The following RPS6KC1 variants were observed in gnomAD, a reference collection of about 807,000 sequenced individuals.
RPS6KC1 encodes ribosomal protein S6 kinase C1, also known as inactive ribosomal protein S6 kinase delta-1.
In RPS6KC1, 54 loss-of-function variants were observed where a neutral mutation model predicts 103.8. The ratio of observed to expected loss-of-function variants is 0.52; its 90% CI spans 0.42 to 0.65. The LOEUF is 0.65. RPS6KC1 is among the 30% of genes least tolerant of loss of function. The probability of loss-of-function intolerance (pLI) is 0.00; values close to 1 mark genes in which losing one functional copy is unlikely to be tolerated. For synonymous variants in RPS6KC1, 439 were observed against 438.7 expected (o/e 1.00, Z -0.01); for missense variants, 1,151 against 1,253.8 (o/e 0.92, Z 1.24).
the RPS6KC1 span, among the ~76,000 whole-genome samples, chr1:213,785,399 T>A: frequency 4.0e-5 from 6 of 151,862 alleles, no homozygotes; most frequent in Non-Finnish European, 8.8e-5. Flanking sequence ...ACACTGGGAC[T>A]GTGACAGCTG....
the RPS6KC1 span, among the ~76,000 whole-genome samples, chr1:213,300,056 C>T: frequency 2.6e-5 from 4 of 152,142 alleles, no homozygotes; most frequent in South Asian, 2.1e-4. Flanking sequence ...CTGCCTGCCT[C>T]GGCCTCCCAA....
At chr1:213,512,417 A>G in the RPS6KC1 span, among the ~76,000 whole-genome samples, 1 of 152,160 alleles carries the variant, frequency 6.6e-6, no homozygotes. Flanking sequence ...TCTTTTATAA[A>G]CTGAGAAGAC....
At chr1:213,478,317 A>G in the RPS6KC1 span, among the ~76,000 whole-genome samples, 1 of 152,178 alleles carries the variant, frequency 6.6e-6, no homozygotes, top group African/African-American at 2.4e-5. Context: ...GCTGTTATAA[A>G]TAACCTTCTG....
the RPS6KC1 span, among the ~76,000 whole-genome samples, chr1:213,735,040 C>T: frequency 6.6e-6 from 1 of 152,228 alleles, no homozygotes; most frequent in African/African-American, 2.4e-5. Context: ...TCTTCTGCCT[C>T]AGCCTCCCCA....
At chr1:213,158,809 GA>G (rs1258788590) in intron 6 of RPS6KC1, among the ~76,000 whole-genome samples, 1 of 152,036 alleles carries the variant, frequency 6.6e-6, no homozygotes, top group Non-Finnish European at 1.5e-5. Context: ...GGAAGAGAAG[GA>G]ACCCTAGAAA....
the RPS6KC1 span, among the ~76,000 whole-genome samples, chr1:213,432,015 C>G: frequency 6.6e-6 from 1 of 152,142 alleles, no homozygotes; most frequent in African/African-American, 2.4e-5. Flanking sequence ...TATCTCATTG[C>G]AGTTTCAATT....
intron 2 of RPS6KC1, among the ~76,000 whole-genome samples, chr1:213,076,367 T>A (rs2079335475): frequency 6.6e-6 from 1 of 152,236 alleles, no homozygotes; most frequent in Admixed American, 6.5e-5. Context: ...GTAGGTTTTT[T>A]GGCAGGAATC....
At chr1:213,503,855 A>G in the RPS6KC1 span, among the ~76,000 whole-genome samples, 2 of 152,244 alleles carry the variant, frequency 1.3e-5, no homozygotes, top group Non-Finnish European at 2.9e-5. Context: ...AGTATCTGTT[A>G]AAATTACAAA....
At chr1:213,326,243 GCAAT>G in the RPS6KC1 span, among the ~76,000 whole-genome samples, 1 of 151,900 alleles carries the variant, frequency 6.6e-6, no homozygotes, top group Non-Finnish European at 1.5e-5. Context: ...GCAGTCAAAG[GCAAT>G]CAAATATGTA....
At chr1:213,738,461 A>G in the RPS6KC1 span, among the ~76,000 whole-genome samples, 1 of 152,190 alleles carries the variant, frequency 6.6e-6, no homozygotes, top group South Asian at 2.1e-4. Context: ...GCCGCTGACT[A>G]GAGGATGTCC....
chr1:213,513,290 T>C, the RPS6KC1 span, among the ~76,000 whole-genome samples: 2 of 152,184 alleles, frequency 1.3e-5, no homozygotes, highest in Non-Finnish European at 2.9e-5. Context: ...TGCTAACACC[T>C]TGTTGTTAGC....
chr1:213,560,945 G>A, the RPS6KC1 span, among the ~76,000 whole-genome samples: 1 of 152,300 alleles, frequency 6.6e-6, no homozygotes, highest in African/African-American at 2.4e-5. Context: ...CAGCATAGCT[G>A]CAGAAGGTAC....
the RPS6KC1 span, among the ~76,000 whole-genome samples, chr1:213,778,723 A>G: frequency 4.8e-3 from 727 of 152,182 alleles, 9 homozygotes; most frequent in Non-Finnish European, 6.4e-3. Flanking sequence ...AGCCCAGACA[A>G]AAGCCGACCA....
At chr1:213,284,773 G>C in the RPS6KC1 span, among the ~76,000 whole-genome samples, 1 of 152,202 alleles carries the variant, frequency 6.6e-6, no homozygotes, top group East Asian at 1.9e-4. Flanking sequence ...CTGCATAACT[G>C]AGAGTGTTTA....
At chr1:213,587,943 G>T in the RPS6KC1 span, among the ~76,000 whole-genome samples, 1 of 152,152 alleles carries the variant, frequency 6.6e-6, no homozygotes, top group Non-Finnish European at 1.5e-5. Context: ...AGAAACAATA[G>T]AAATTTATTG....
chr1:213,835,122 G>T, the RPS6KC1 span, among the ~76,000 whole-genome samples: 1 of 152,218 alleles, frequency 6.6e-6, no homozygotes, highest in Non-Finnish European at 1.5e-5. Flanking sequence ...TGCAGTCAGT[G>T]TCCACATGAC....
chr1:213,228,906 AT>A (rs1331498973), intron 8 of RPS6KC1, among the ~76,000 whole-genome samples: 1 of 152,158 alleles, frequency 6.6e-6, no homozygotes, highest in African/African-American at 2.4e-5. Context: ...TTGATTTAGA[AT>A]TGATTCTAAA....
chr1:213,059,033 A>C (rs191203356), intron 1 of RPS6KC1, among the ~76,000 whole-genome samples: 1 of 152,178 alleles, frequency 6.6e-6, no homozygotes, highest in Admixed American at 6.5e-5. Flanking sequence ...AGTATTTTTA[A>C]AAATCTTGGT....
At chr1:213,515,022 G>A in the RPS6KC1 span, among the ~76,000 whole-genome samples, 1 of 152,180 alleles carries the variant, frequency 6.6e-6, no homozygotes, top group Non-Finnish European at 1.5e-5. Flanking sequence ...CTGCATAAAT[G>A]TCTTCTTTTG....
Sources: gnomAD v4.1 joint callset for allele counts (sites outside exome capture counted in the v4.1 genomes callset) on GRCh38, gnomAD v4.1.1 for gene constraint, MANE v1.5 for transcripts, NCBI Gene and HGNC (gene_info 2026-07-23, HGNC 2026-07-21) for gene names.